The following CNNM4 variants were observed in gnomAD, a reference collection of about 807,000 sequenced individuals.
The protein encoded by CNNM4 is cyclin and CBS domain divalent metal cation transport mediator 4, also known as metal transporter CNNM4.
Under a neutral mutation model 53.7 loss-of-function variants are expected in CNNM4, and 32 were observed. The observed-to-expected ratio is 0.60, with a 90% CI of 0.45 to 0.80. The LOEUF is 0.80. CNNM4 is among the 30% of genes least tolerant of loss of function. CNNM4 has a pLI of 0.00. For missense variants in CNNM4, 784 were observed against 1,022.0 expected (o/e 0.77, Z 3.17); for synonymous variants, 410 against 440.0 (o/e 0.93, Z 0.85).
In CNNM4 at chr2:96,799,546, T is replaced by C. The variant is rs752695353; in HGVS notation, c.1852-6T>C. 3.2e-6 allele frequency: 5 copies of C among 1,553,116 alleles called. No homozygotes were observed. The highest frequency in any genetic ancestry group is 2.4e-5 in the East Asian group (1 of 41,112). Reference sequence around the variant, plus strand: ...GGTCTCTAACTCCAGCCCTGTGTTTTTTCAGGGGAAGGTGGAGGTGGAGGC... The same window carrying C: ...GGTCTCTAACTCCAGCCCTGTGTTTCTTCAGGGGAAGGTGGAGGTGGAGGC... On this transcript the variant is annotated splice_polypyrimidine_tract_variant and splice_region_variant and intron_variant, in intron 4 of 6. Coordinates refer to ENST00000377075, the MANE Select transcript of CNNM4 (RefSeq NM_020184.4).
At position 96,762,246 on chromosome 2, in the gene CNNM4, C is replaced by G; in HGVS notation, c.1247C>G (p.Ser416Cys). The change falls in exon 1 of 7, where the codon TCC (serine) becomes TGC (cysteine). Residue 416 changes from serine (S) to cysteine (C), a missense_variant. Around this residue, in one of 3 missense-constraint regions of CNNM4, gnomAD observed 473 missense variants for 624.6 expected, o/e 0.76. Transcript: ENST00000377075. The stretch of plus-strand genomic sequence containing the variant: ...ATCCCGGTGTTCGAAGACGAGCAGT[C>G]CAATATTGTAGATATTCTCTACGTC... ...TRIPVFEDEQSNIVDILYVKD... is the reference protein window; with the variant it reads ...TRIPVFEDEQCNIVDILYVKD... The G allele has an allele frequency of 6.2e-7, 1 of 1,614,176 alleles. No individual in the cohort carries two copies. The highest frequency in any genetic ancestry group is 8.5e-7 in the Non-Finnish European group (1 of 1,180,044).
At chr2:96,807,770 G>T (rs1380086179) in intron 5 of CNNM4, among the ~76,000 whole-genome samples, 1 of 151,902 alleles carries the variant, frequency 6.6e-6, no homozygotes, top group Non-Finnish European at 1.5e-5. Flanking sequence ...TTATGTGTGG[G>T]GTGTGTATTC....
intron 1 of CNNM4, among the ~76,000 whole-genome samples, chr2:96,793,229 C>T (rs931464163): frequency 6.6e-6 from 1 of 152,108 alleles, no homozygotes; most frequent in Non-Finnish European, 1.5e-5. Flanking sequence ...AATAACACTC[C>T]ACCATGAAAG....
intron 1 of CNNM4, among the ~76,000 whole-genome samples, chr2:96,785,753 A>G (rs572366432): frequency 4.6e-5 from 7 of 152,096 alleles, no homozygotes; most frequent in African/African-American, 1.2e-4. Flanking sequence ...GCAGTGAGCT[A>G]TGATTGTACC....
chr2:96,779,413 G>T lies in CNNM4; in HGVS notation c.1402+17012G>T, dbSNP rs527821800. On this transcript the variant is annotated intron_variant, in intron 1 of 6. Transcript: ENST00000377075. ...GATCCCAGCTACTTGGGAGGCTGAG[G>T]TGGGAGGGTTGTTTGAGCCTGGGAG... Among the ~76,000 whole-genome samples, 7 of 151,806 alleles carry T rather than the reference G, an allele frequency of 4.6e-5. No individual in the cohort carries two copies. In the East Asian group the frequency reaches 1.4e-3, roughly 30 times the overall value.
chr2:96,761,315 A>G lies in CNNM4; in HGVS notation c.316A>G (p.Thr106Ala), dbSNP rs1276760417. ...VDDAETLHKS[T>A]SCLELTKDLV... is the part of the protein sequence containing the mutation. ...CGATGCCGAGACCCTCCACAAGTCCACCAGCTGCCTCGAGCTCACCAAGGA... is the reference window on the plus strand; with the variant it reads ...CGATGCCGAGACCCTCCACAAGTCCGCCAGCTGCCTCGAGCTCACCAAGGA... The change falls in exon 1 of 7, where the codon ACC becomes GCC. Residue 106 changes from threonine to alanine, a missense_variant. Coordinates refer to ENST00000377075, the MANE Select transcript of CNNM4 (RefSeq NM_020184.4). The surrounding 1 kb of genome is among the most constrained non-coding windows in gnomAD (Gnocchi z 6.0). The G allele has an allele frequency of 3.7e-6, 6 of 1,613,938 alleles. 1 individual carries two copies. The Admixed American group carries it at 1.0e-4, about 27-fold the overall frequency.
chr2:96,799,707 G>A, intron 5 of CNNM4, 59 bp downstream of exon 5: 1 of 1,333,496 alleles, frequency 7.5e-7, no homozygotes, highest in Non-Finnish European at 1.1e-6. Context: ...GGGGAGCCAT[G>A]GACCGACACC....
In CNNM4 at chr2:96,783,082, T is replaced by A. The variant is rs1315969647; in HGVS notation, c.1403-13930T>A. Among the ~76,000 whole-genome samples, 4 of 152,154 alleles carry A rather than the reference T, an allele frequency of 2.6e-5. 1 individual carries two copies. Among genetic ancestry groups the A allele is most frequent in the Admixed American group, 1.3e-4 (2 of 15,264 alleles). On this transcript the variant is annotated intron_variant, in intron 1 of 6. Coordinates refer to ENST00000377075, the MANE Select transcript of CNNM4 (RefSeq NM_020184.4). ...TAAAAAAAAATTAATGGTCTCACTT[T>A]TAGGTTGATTTGCCTGTGGATTATT...
chr2:96,777,644 G>A (rs1013204167), intron 1 of CNNM4, among the ~76,000 whole-genome samples: 5 of 152,116 alleles, frequency 3.3e-5, no homozygotes, highest in African/African-American at 1.2e-4. Flanking sequence ...AGGATTACAA[G>A]CGTGTGCCAC....
In CNNM4 at chr2:96,801,426, A is replaced by G. The variant is rs1383639246; in HGVS notation, c.1948+1778A>G. Among the ~76,000 whole-genome samples, 1 of 152,122 alleles carries G rather than the reference A, an allele frequency of 6.6e-6. No individual in the cohort carries two copies. Among genetic ancestry groups the G allele is most frequent in the Admixed American group, 6.5e-5 (1 of 15,274 alleles). On this transcript the variant is annotated intron_variant, in intron 5 of 6. Transcript: ENST00000377075. The surrounding 1 kb of genome is among the most constrained non-coding windows in gnomAD (Gnocchi z 5.6). ...TACACATAGCCATAGATACACGCAG[A>G]GACACACACAGTGAGAGACCACATG... is the stretch of plus-strand genomic sequence containing the variant.
chr2:96,793,315 CT>C lies in CNNM4; in HGVS notation c.1403-3696del, dbSNP rs552354904. 2.7e-3 allele frequency among the ~76,000 whole-genome samples: 405 copies of C among 152,322 alleles called. 1 individual carries two copies. Among genetic ancestry groups the C allele is most frequent in the African/African-American group, 9.0e-3 (374 of 41,578 alleles). ...CTACCAGGACAAAAAGATGTCCCCT[CT>C]GGACAGACAAATTAGAAAATAGGAA... On this transcript the variant is annotated intron_variant, in intron 1 of 6. Transcript: ENST00000377075.
At chr2:96,776,762 G>A (rs1032287295) in intron 1 of CNNM4, among the ~76,000 whole-genome samples, 6 of 146,908 alleles carry the variant, frequency 4.1e-5, no homozygotes, top group African/African-American at 1.5e-4. Context: ...ACAGGCATGA[G>A]CCACCATACC....
At chr2:96,788,884 A>G (rs1263757197) in intron 1 of CNNM4, 1 of 152,354 alleles carries the variant, frequency 6.6e-6, no homozygotes, top group African/African-American at 2.4e-5. Context: ...GAGAAAAAGC[A>G]GCTGGAGCTG....
At chr2:96,791,652 T>A (rs62152783) in intron 1 of CNNM4, among the ~76,000 whole-genome samples, 13,180 of 151,472 alleles carry the variant, frequency 0.087, 636 homozygotes, top group Middle Eastern at 0.16. Flanking sequence ...AAAATCCACA[T>A]TTTTCAAAGT....
chr2:96,785,167 T>C (rs1189465547), intron 1 of CNNM4, among the ~76,000 whole-genome samples: 1 of 152,110 alleles, frequency 6.6e-6, no homozygotes, highest in Non-Finnish European at 1.5e-5. Flanking sequence ...CATGAGCCAC[T>C]GTGCCCAGCA....
In CNNM4 at chr2:96,811,530, T is replaced by C. The variant is rs2079257825; in HGVS notation, c.*2013T>C. On this transcript the variant is annotated 3_prime_UTR_variant, in exon 7 of 7. Coordinates refer to ENST00000377075, the MANE Select transcript of CNNM4 (RefSeq NM_020184.4). ...GGTCATCATTATTTCCAAATATTGT[T>C]TGTCTGATGACTTCCTCTTCCCAGT... 3.3e-5 allele frequency: 5 copies of C among 152,724 alleles called. No individual in the cohort carries two copies. In the South Asian group the frequency reaches 1.0e-3, roughly 32 times the overall value. The allele number at this position is 152,724 out of a possible 1,614,324, so 9.5% of individuals were successfully genotyped here. A position where few individuals can be genotyped will look rare whatever the true frequency, so the allele number is the denominator to read the frequency against.
chr2:96,799,694 G>C (rs1347240090), intron 5 of CNNM4, 46 bp downstream of exon 5: 2 of 1,447,616 alleles, frequency 1.4e-6, no homozygotes, highest in African/African-American at 1.4e-5. Context: ...CCCCCCTGCA[G>C]CTGGGGAGCC....
Position 96,761,013 on chromosome 2 carries a change from G to A in CNNM4, c.14G>A (p.Gly5Asp). 8.5e-7 allele frequency: 1 copy of A among 1,173,428 alleles called. No homozygotes were observed. Among genetic ancestry groups the A allele is most frequent in the South Asian group, 4.2e-5 (1 of 23,850 alleles). The allele number at this position is 1,173,428 out of a possible 1,614,324, so 72.7% of individuals were successfully genotyped here. A position where few individuals can be genotyped will look rare whatever the true frequency, so the allele number is the denominator to read the frequency against. ...AGCCAGAGCAACATGGCGCCGGTGGGCGGGGGCGGGCGCCCGGTCGGCGGA... is the reference window on the plus strand; with the variant it reads ...AGCCAGAGCAACATGGCGCCGGTGGACGGGGGCGGGCGCCCGGTCGGCGGA... MAPV[G>D]GGGRPVGGPA... Residue 5 changes from glycine (G) to aspartate (D), a missense_variant, in exon 1 of 7, where the codon GGC (glycine) becomes GAC (aspartate). Gly to Asp is a moderately conservative substitution (Grantham distance 94, BLOSUM62 -1). Around this residue, in one of 3 missense-constraint regions of CNNM4, gnomAD observed 473 missense variants for 624.6 expected, o/e 0.76. Coordinates refer to ENST00000377075, the MANE Select transcript of CNNM4 (RefSeq NM_020184.4). The surrounding 1 kb of genome is among the most constrained non-coding windows in gnomAD (Gnocchi z 6.0).
Position 96,799,631 on chromosome 2 carries a change from T to C in CNNM4, c.1931T>C (p.Leu644Pro), listed in dbSNP as rs2079140501. ...TTCTCCTACTATGGGACTATGGCCC[T>C]GACCTCGGTCCCCTCCGGTGAGTTG... The part of the protein sequence containing the change: ...GAFSYYGTMA[L>P]TSVPSDRSPA... Residue 644 changes from leucine to proline, a missense_variant, in exon 5 of 7, where the codon CTG (leucine) becomes CCG (proline). This residue lies in a region of CNNM4 where 307 missense variants were observed against 376.3 expected (regional missense o/e 0.82). Transcript: ENST00000377075. The C allele has an allele frequency of 1.3e-6, 2 of 1,552,240 alleles. No homozygotes were observed. The highest frequency in any genetic ancestry group is 2.0e-5 in the Admixed American group (1 of 51,100).
Sources: gnomAD v4.1 joint callset for allele counts (sites outside exome capture counted in the v4.1 genomes callset) on GRCh38, gnomAD v4.1.1 for gene constraint, gnomAD v4.1.1 regional missense constraint, Gnocchi (gnomAD v3.1) non-coding constraint, MANE v1.5 for transcripts, NCBI Gene and HGNC (gene_info 2026-07-23, HGNC 2026-07-21) for gene names.